Variants in ARHGEF1 observed in about 807,000 individuals in gnomAD.
ARHGEF1 encodes the protein 115 kDa guanine nucleotide exchange factor.
ARHGEF1 carries 40 observed loss-of-function variants against 119.7 expected under a neutral mutation model. The observed-to-expected ratio is 0.33, with a 90% CI of 0.26 to 0.44. The LOEUF (loss-of-function observed/expected upper bound fraction) is 0.44. Ranked by LOEUF, ARHGEF1 falls within the 20% of genes least tolerant of loss-of-function variation. The pLI is 1.00. For missense variants in ARHGEF1, 976 were observed against 1,268.3 expected (o/e 0.77, Z 3.50); for synonymous variants, 494 against 521.0 (o/e 0.95, Z 0.71).
At chr19:41,909,194 A>G, downstream of ARHGEF1, 1 of 1,231,410 alleles carries the variant, frequency 8.1e-7, no homozygotes, top group Non-Finnish European at 1.0e-6. The surrounding 1 kb of genome is among the most constrained non-coding windows in gnomAD (Gnocchi z 5.2). Context: ...AGGGAGTGGG[A>G]GAAGCCGCCC....
At chr19:41,910,768 G>C (rs1199882989), downstream of ARHGEF1, among the ~76,000 whole-genome samples, 2 of 152,126 alleles carry the variant, frequency 1.3e-5, no homozygotes, top group African/African-American at 2.4e-5. This position sits in a 1 kb window ranked among gnomAD's most constrained non-coding sequence, Gnocchi z 4.4. Flanking sequence ...ATGTCACACA[G>C]ACATCAGTTC....
Position 41,907,152 on chromosome 19 carries a change from C to A in ARHGEF1, c.*65C>A, listed in dbSNP as rs1555850463. On this transcript the variant is annotated 3_prime_UTR_variant, in exon 29 of 29. Transcript: ENST00000354532. ...ATGGGGGAGAGGACGTGAGGGACCA[C>A]CCCCACCCACACAGCTGCCGCAGCA... is the stretch of plus-strand genomic sequence containing the variant. The A allele has an allele frequency of 1.3e-6, 2 of 1,531,532 alleles. No individual in the cohort carries two copies. Among genetic ancestry groups the A allele is most frequent in the Admixed American group, 4.0e-5 (2 of 50,226 alleles). The allele number at this position is 1,531,532 out of a possible 1,614,324, so 94.9% of individuals were successfully genotyped here.
rs376809858 is a variant in ARHGEF1 at position 41,892,390 on chromosome 19, G to A, written c.367+17G>A. The A allele has an allele frequency of 5.9e-5, 96 of 1,613,808 alleles. No homozygotes were observed. The highest frequency in any genetic ancestry group is 7.4e-5 in the Non-Finnish European group (87 of 1,179,948). ...TTGAACTTGGTAAGGAGAAGGATGG[G>A]ATGAGGGAGAGGTGTCTAGCGGGGA... On this transcript the variant is annotated intron_variant, in intron 6 of 28. Coordinates refer to ENST00000354532, the MANE Select transcript of ARHGEF1 (RefSeq NM_004706.4). This position sits in a 1 kb window ranked among gnomAD's most constrained non-coding sequence, Gnocchi z 6.3.
chr19:41,909,745 G>A (rs567045922), downstream of ARHGEF1: 13 of 1,167,436 alleles, frequency 1.1e-5, no homozygotes, highest in South Asian at 7.9e-5. The surrounding 1 kb of genome is among the most constrained non-coding windows in gnomAD (Gnocchi z 5.2). Context: ...GGCTACTCAC[G>A]CACAGCCCTG....
chr19:41,894,218 T>C lies in ARHGEF1; in HGVS notation c.656T>C (p.Val219Ala). The change falls in exon 9 of 29, where the codon GTC (valine) becomes GCC (alanine). Residue 219 changes from valine to alanine, a missense_variant. By Grantham distance (64) the Val-to-Ala change is moderately conservative. Coordinates refer to ENST00000354532, the MANE Select transcript of ARHGEF1 (RefSeq NM_004706.4). Reference sequence around the variant, plus strand: ...TCCCTTCCCTACAGTGCTGCCGTGGTCAACGCCATTGGCCTGTACATGCGC... The same window carrying C: ...TCCCTTCCCTACAGTGCTGCCGTGGCCAACGCCATTGGCCTGTACATGCGC... ...STDEEKSAAV[V>A]NAIGLYMRHL... 1 of 1,536,446 alleles carries C rather than the reference T, an allele frequency of 6.5e-7. No individual in the cohort carries two copies. Among genetic ancestry groups the C allele is most frequent in the Non-Finnish European group, 8.8e-7 (1 of 1,139,136 alleles).
At chr19:41,919,096 C>CCACACATAA (rs2074822091), upstream of ARHGEF1, among the ~76,000 whole-genome samples, 1 of 151,242 alleles carries the variant, frequency 6.6e-6, no homozygotes, top group South Asian at 2.1e-4. Context: ...ACACCACATG[C>CCACACATAA]CACACATAAC....
chr19:41,884,646 G>C (rs868969016), intron 1 of ARHGEF1, among the ~76,000 whole-genome samples: 1 of 152,178 alleles, frequency 6.6e-6, no homozygotes, highest in Middle Eastern at 3.4e-3. Flanking sequence ...GTGTAGACCC[G>C]CCTCATTCCG....
chr19:41,911,021 CTG>C (rs1555851201), downstream of ARHGEF1, among the ~76,000 whole-genome samples: 1 of 152,188 alleles, frequency 6.6e-6, no homozygotes, highest in Non-Finnish European at 1.5e-5. Context: ...AAAGAACACA[CTG>C]TACGATGGAG....
At position 41,906,296 on chromosome 19, in the gene ARHGEF1, A is replaced by C. The variant is rs2074694448; in HGVS notation, c.2492-161A>C. On this transcript the variant is annotated intron_variant, in intron 26 of 28. Coordinates refer to ENST00000354532, the MANE Select transcript of ARHGEF1 (RefSeq NM_004706.4). The surrounding 1 kb of genome is among the most constrained non-coding windows in gnomAD (Gnocchi z 4.5). ...CTGTCCCAACCCTAAACCCAGCCTC[A>C]CTTCTTCACCTCCCTTTGGATCCCC... 1 of 745,170 alleles carries C rather than the reference A, an allele frequency of 1.3e-6. No individual in the cohort carries two copies. Among genetic ancestry groups the C allele is most frequent in the African/African-American group, 1.8e-5 (1 of 55,776 alleles). The allele number at this position is 745,170 out of a possible 1,614,324, so 46.2% of individuals were successfully genotyped here.
rs2074336618 is a variant in ARHGEF1 at position 41,888,998 on chromosome 19, A to G, written c.225+133A>G. On this transcript the variant is annotated intron_variant, in intron 4 of 28. Transcript: ENST00000354532. This position sits in a 1 kb window ranked among gnomAD's most constrained non-coding sequence, Gnocchi z 5.1. ...CTAGAACACAGAGAGCCAGATCTAG[A>G]AAGAGAGAATGCTTTAGACAAGAGC... is the stretch of plus-strand genomic sequence containing the variant. The G allele has an allele frequency of 2.7e-6, 2 of 738,354 alleles. No homozygotes were observed. The highest frequency in any genetic ancestry group is 4.4e-6 in the Non-Finnish European group (2 of 457,920). 45.7% of individuals were successfully genotyped at this position (738,354 alleles called of 1,614,324 possible).
chr19:41,887,976 C>G (rs1438793506), intron 1 of ARHGEF1, 88 bp from the exon 2 acceptor site: 2 of 1,440,454 alleles, frequency 1.4e-6, no homozygotes, highest in East Asian at 4.9e-5. Context: ...TGTTTACTCA[C>G]CTTCACACCT....
rs1481787602 is a variant in ARHGEF1 at position 41,905,446 on chromosome 19, ATGCATGTGTGCGTG to A, written c.2336+196_2336+209del. 8 of 630,402 alleles carry A rather than the reference ATGCATGTGTGCGTG, an allele frequency of 1.3e-5. No homozygotes were observed. The highest frequency in any genetic ancestry group is 5.5e-5 in the African/African-American group (3 of 54,402). 39.1% of individuals were successfully genotyped at this position (630,402 alleles called of 1,614,324 possible). On this transcript the variant is annotated intron_variant, in intron 24 of 28. Coordinates refer to ENST00000354532, the MANE Select transcript of ARHGEF1 (RefSeq NM_004706.4). The surrounding 1 kb of genome is among the most constrained non-coding windows in gnomAD (Gnocchi z 6.4). Reference sequence around the variant, plus strand: ...GCGTGCATATATAGTGTGTGTATGCATGCATGTGTGCGTGTGCATGTGTGTGCGTGTATGGTGTG... The same window carrying A: ...GCGTGCATATATAGTGTGTGTATGCATGCATGTGTGTGCGTGTATGGTGTG...
intron 1 of ARHGEF1, chr19:41,884,307 G>A: frequency 9.7e-7 from 1 of 1,032,826 alleles, no homozygotes; most frequent in Non-Finnish European, 1.4e-6. Flanking sequence ...GGGAGGAGTA[G>A]AGTCGTCGGG....
chr19:41,910,513 A>G (rs2074745831), downstream of ARHGEF1, among the ~76,000 whole-genome samples: 1 of 152,044 alleles, frequency 6.6e-6, no homozygotes, highest in Non-Finnish European at 1.5e-5. The surrounding 1 kb of genome is among the most constrained non-coding windows in gnomAD (Gnocchi z 4.4). Context: ...CGGTGCCCTC[A>G]GCTCTTACTG....
Position 41,898,481 on chromosome 19 carries a change from A to G in ARHGEF1, c.1161A>G (p.Gly387=). The G allele has an allele frequency of 6.4e-7, 1 of 1,551,040 alleles. No homozygotes were observed. The change falls in exon 14 of 29, where the codon GGA becomes GGG. Residue 387 remains glycine (G), a synonymous_variant. Transcript: ENST00000354532. The part of the protein sequence containing the change: ...PGDEGEPGRS[G]LELEPEEPPG... Reference sequence around the variant, plus strand: ...ATGAGGGGGAGCCGGGGCGGTCGGGACTGGAGCTTGAACCAGAAGAGCCTC... The same window carrying G: ...ATGAGGGGGAGCCGGGGCGGTCGGGGCTGGAGCTTGAACCAGAAGAGCCTC...
At position 41,894,614 on chromosome 19, in the gene ARHGEF1, C is replaced by T. The variant is rs369697433; in HGVS notation, c.842-12C>T. On this transcript the variant is annotated splice_polypyrimidine_tract_variant and intron_variant, in intron 10 of 28. Transcript: ENST00000354532. ...CTGCTCCCACTCACTGTCTCATTCT[C>T]TCTCGTTTCAGTTCCAGATTTTCGA... 1 of 1,613,956 alleles carries T rather than the reference C, an allele frequency of 6.2e-7. No individual in the cohort carries two copies. The highest frequency in any genetic ancestry group is 1.3e-5 in the African/African-American group (1 of 74,928).
intron 2 of ARHGEF1, among the ~76,000 whole-genome samples, chr19:41,929,454 G>C (rs1055092378): frequency 4.6e-5 from 7 of 152,118 alleles, no homozygotes; most frequent in Non-Finnish European, 5.9e-5. Context: ...AGTCAATATC[G>C]ACCAGCCTCA....
intron 1 of ARHGEF1, among the ~76,000 whole-genome samples, chr19:41,925,262 G>C (rs1177977841): frequency 6.6e-6 from 1 of 152,094 alleles, no homozygotes; most frequent in Admixed American, 6.5e-5. Context: ...GCAGGTGCAG[G>C]GGGTTACTGG....
chr19:41,909,016 T>G (rs566983519), downstream of ARHGEF1: 12 of 1,132,528 alleles, frequency 1.1e-5, no homozygotes, highest in South Asian at 5.0e-4. This position sits in a 1 kb window ranked among gnomAD's most constrained non-coding sequence, Gnocchi z 5.2. Context: ...GCCTGCAGCT[T>G]CTCCCACTGT....
Sources: allele counts gnomAD v4.1 joint callset (sites outside exome capture counted in the v4.1 genomes callset), GRCh38; gene constraint gnomAD v4.1.1; non-coding constraint Gnocchi (gnomAD v3.1); transcripts MANE v1.5; gene names NCBI Gene and HGNC (gene_info 2026-07-23, HGNC 2026-07-21).